EPC1: variants seen among roughly 807,000 people sequenced by gnomAD.
EPC1 encodes the protein enhancer of polycomb 1, also known as enhancer of polycomb homolog 1.
Under a neutral mutation model 98.4 loss-of-function variants are expected in EPC1, and 12 were observed. That is an observed-to-expected ratio of 0.12 (90% confidence interval 0.08 to 0.20). The LOEUF is 0.20. EPC1 is among the 10% of genes least tolerant of loss of function. The pLI is 1.00. For synonymous variants in EPC1, 357 were observed against 363.9 expected (o/e 0.98, Z 0.21); for missense variants, 729 against 990.5 (o/e 0.74, Z 3.54).
chr10:32,272,177 A>G lies in EPC1; in HGVS notation c.1864-10T>C. 2 of 1,598,978 alleles carry G rather than the reference A, an allele frequency of 1.3e-6. No individual in the cohort carries two copies. The highest frequency in any genetic ancestry group is 1.7e-6 in the Non-Finnish European group (2 of 1,175,092). Reference sequence around the variant, plus strand: ...TCTTAGAAACAAAACCCTAAAAAGAAAATACAAAAGAAATCTAATCAGTAT... The same window carrying G: ...TCTTAGAAACAAAACCCTAAAAAGAGAATACAAAAGAAATCTAATCAGTAT... On this transcript the variant is annotated splice_polypyrimidine_tract_variant and intron_variant, in intron 11 of 13. Transcript: ENST00000319778.
upstream of EPC1, among the ~76,000 whole-genome samples, chr10:32,348,461 T>TAGTA (rs1838999221): frequency 6.6e-6 from 1 of 152,194 alleles, no homozygotes; most frequent in Non-Finnish European, 1.5e-5. Context: ...GCTCCTTAAA[T>TAGTA]ACTGGGCTTG....
chr10:32,295,109 A>G (rs75453679), intron 2 of EPC1, among the ~76,000 whole-genome samples: 2,752 of 152,120 alleles, frequency 0.018, 81 homozygotes, highest in African/African-American at 0.062. Context: ...ATACTTTATA[A>G]TCTGCTTGTT....
chr10:32,295,485 T>C (rs933910622), intron 2 of EPC1, among the ~76,000 whole-genome samples: 11 of 152,194 alleles, frequency 7.2e-5, no homozygotes, highest in Admixed American at 2.0e-4. Context: ...ATTCAGACTA[T>C]AAAAATTTCT....
At chr10:32,338,567 A>C (rs184326263) in intron 1 of EPC1, among the ~76,000 whole-genome samples, 9 of 152,032 alleles carry the variant, frequency 5.9e-5, no homozygotes, top group African/African-American at 2.2e-4. Context: ...CTCATCTCCT[A>C]ATCTACAACC....
At chr10:32,338,970 TA>T (rs999285176) in intron 1 of EPC1, among the ~76,000 whole-genome samples, 30 of 150,502 alleles carry the variant, frequency 2.0e-4, no homozygotes, top group African/African-American at 7.1e-4. Flanking sequence ...AATAAAATAA[TA>T]AAAATAATAA....
At chr10:32,355,643 G>C (rs1010101505) in intron 1 of EPC1, among the ~76,000 whole-genome samples, 52 of 86,148 alleles carry the variant, frequency 6.0e-4, no homozygotes, top group African/African-American at 2.3e-3. Context: ...TTTTTTTTTT[G>C]GGACAGAGTT....
rs779975534 is a variant in EPC1 at position 32,287,034 on chromosome 10, A to G, written c.1153-19T>C. On this transcript the variant is annotated intron_variant, in intron 7 of 13. Transcript: ENST00000319778. The stretch of plus-strand genomic sequence containing the variant: ...ACAAAACCTTTAAATGAAATAAAGA[A>G]AGTAGGTCAGATACGTGACTTCCTA... 1.9e-6 allele frequency: 3 copies of G among 1,613,868 alleles called. No homozygotes were observed. The Admixed American group carries it at 5.0e-5, about 27-fold the overall frequency.
At chr10:32,288,858 G>A (rs1320433353) in intron 6 of EPC1, among the ~76,000 whole-genome samples, 6 of 152,080 alleles carry the variant, frequency 3.9e-5, no homozygotes, top group African/African-American at 1.4e-4. Flanking sequence ...GGGAGGCCAA[G>A]GCGGGAGGAT....
intron 1 of EPC1, among the ~76,000 whole-genome samples, chr10:32,342,996 TAATTA>T (rs1838468348): frequency 6.6e-6 from 1 of 152,328 alleles, no homozygotes; most frequent in African/African-American, 2.4e-5. Flanking sequence ...ATTATAAAGA[TAATTA>T]AATTATAATC....
intron 2 of EPC1, among the ~76,000 whole-genome samples, chr10:32,294,252 G>C (rs1213830521): frequency 6.6e-6 from 1 of 152,190 alleles, no homozygotes; most frequent in East Asian, 1.9e-4. Flanking sequence ...TAACAGTACA[G>C]GTTGAGAATC....
rs964014201 is a variant in EPC1, at chr10:32,277,752, G to T, written c.1745-4471C>A. ...TGGCTAATTTTTGTATTTTTTTGTAGAGATGGGTGTTTCACCATGTTGCTC... is the reference window on the plus strand; with the variant it reads ...TGGCTAATTTTTGTATTTTTTTGTATAGATGGGTGTTTCACCATGTTGCTC... On this transcript the variant is annotated intron_variant, in intron 10 of 13. Coordinates refer to ENST00000319778, the MANE Select transcript of EPC1 (RefSeq NM_001272004.3). Among the ~76,000 whole-genome samples, 6 of 152,182 alleles carry T rather than the reference G, an allele frequency of 3.9e-5. No individual in the cohort carries two copies. The South Asian group carries it at 1.2e-3, about 32-fold the overall frequency.
intron 11 of EPC1, among the ~76,000 whole-genome samples, chr10:32,272,826 G>T (rs886478337): frequency 9.2e-5 from 14 of 152,146 alleles, no homozygotes; most frequent in Non-Finnish European, 1.5e-5. Context: ...GGTTATTTTT[G>T]CATAATGTTA....
At chr10:32,275,786 A>T (rs1836057903) in intron 10 of EPC1, among the ~76,000 whole-genome samples, 1 of 150,970 alleles carries the variant, frequency 6.6e-6, no homozygotes, top group Non-Finnish European at 1.5e-5. Context: ...AAAAAAAAAA[A>T]GGAAAAAGCA....
intron 11 of EPC1, chr10:32,272,928 G>T: frequency 8.8e-7 from 1 of 1,132,274 alleles, no homozygotes; most frequent in Non-Finnish European, 1.3e-6. Context: ...GGTCAGACGG[G>T]AAGACAGTAT....
At chr10:32,363,205 C>T (rs1339725413) in intron 1 of EPC1, among the ~76,000 whole-genome samples, 2 of 152,148 alleles carry the variant, frequency 1.3e-5, no homozygotes, top group Admixed American at 1.3e-4. Context: ...TCCTGAGCAC[C>T]TGGGACTACA....
At chr10:32,270,112 T>A (rs1195302313) in intron 13 of EPC1, among the ~76,000 whole-genome samples, 4 of 152,246 alleles carry the variant, frequency 2.6e-5, no homozygotes, top group Non-Finnish European at 4.4e-5. Flanking sequence ...AAATGCTTTT[T>A]CTTTCTCCTC....
Position 32,291,332 on chromosome 10 carries a change from T to A in EPC1, c.816-10A>T. 1 of 1,597,222 alleles carries A rather than the reference T, an allele frequency of 6.3e-7. No homozygotes were observed. On this transcript the variant is annotated splice_polypyrimidine_tract_variant and intron_variant, in intron 5 of 13. Transcript: ENST00000319778. Reference sequence around the variant, plus strand: ...GTCGCCCAAATTATACCTAAAATTATACAAATGAAAGTTTAAAATTATATA... The same window carrying A: ...GTCGCCCAAATTATACCTAAAATTAAACAAATGAAAGTTTAAAATTATATA...
chr10:32,334,915 A>C (rs972515644), intron 1 of EPC1, among the ~76,000 whole-genome samples: 2 of 152,220 alleles, frequency 1.3e-5, no homozygotes, highest in Non-Finnish European at 2.9e-5. Flanking sequence ...ACCACTGCAA[A>C]GGAAGGAGAA....
At chr10:32,333,563 A>C (rs535170879) in intron 1 of EPC1, among the ~76,000 whole-genome samples, 2 of 152,348 alleles carry the variant, frequency 1.3e-5, no homozygotes, top group African/African-American at 4.8e-5. Flanking sequence ...GCTAACATTG[A>C]GAAATGCATT....
Sources: gnomAD v4.1 joint callset for allele counts (sites outside exome capture counted in the v4.1 genomes callset) on GRCh38, gnomAD v4.1.1 for gene constraint, MANE v1.5 for transcripts, NCBI Gene and HGNC (gene_info 2026-07-23, HGNC 2026-07-21) for gene names.